Variants in CNBD1 observed in about 807,000 individuals in gnomAD.
CNBD1 encodes the protein cyclic nucleotide-binding domain-containing protein 1.
CNBD1 carries 71 observed loss-of-function variants against 54.4 expected under a neutral mutation model. The ratio of observed to expected loss-of-function variants is 1.30; its 90% CI spans 1.08 to 1.59. CNBD1 has a LOEUF of 1.59. Ranked by LOEUF, CNBD1 falls within the 40% of genes most tolerant of loss-of-function variation. The pLI is 0.00. For missense variants in CNBD1, 659 were observed against 518.0 expected, an observed-to-expected ratio of 1.27 and a Z score of -2.64; for synonymous variants, 182 against 170.7, an observed-to-expected ratio of 1.07 and a Z score of -0.51.
chr8:87,332,108 A>G (rs190738583), intron 8 of CNBD1, among the ~76,000 whole-genome samples: 5 of 152,146 alleles, frequency 3.3e-5, no homozygotes, highest in African/African-American at 1.2e-4. Flanking sequence ...AGCACTTTGG[A>G]AGTCTGAGGC....
At chr8:87,027,172 A>G (rs759475365) in intron 4 of CNBD1, among the ~76,000 whole-genome samples, 3 of 122,446 alleles carry the variant, frequency 2.5e-5, no homozygotes, top group Non-Finnish European at 4.9e-5. Flanking sequence ...CAAACTCACC[A>G]GTTTAGAGGC....
chr8:86,975,768 T>C (rs1808327547), intron 4 of CNBD1, among the ~76,000 whole-genome samples: 1 of 152,038 alleles, frequency 6.6e-6, no homozygotes, highest in Non-Finnish European at 1.5e-5. Flanking sequence ...CTGGGTCAAA[T>C]AATAATTCTA....
At chr8:87,004,542 T>TAAA (rs756660574) in intron 4 of CNBD1, among the ~76,000 whole-genome samples, 1 of 142,136 alleles carries the variant, frequency 7.0e-6, no homozygotes, top group Non-Finnish European at 1.5e-5. Flanking sequence ...AGTATTTATC[T>TAAA]AAAAAAAAAA....
At chr8:87,414,185 T>G (rs1385026162) in intron 2 of CNBD1, among the ~76,000 whole-genome samples, 1 of 152,056 alleles carries the variant, frequency 6.6e-6, no homozygotes, top group African/African-American at 2.4e-5. Context: ...TGGAATACTA[T>G]GCAGCCATAA....
At chr8:87,136,618 TA>T (rs1384805512) in intron 4 of CNBD1, among the ~76,000 whole-genome samples, 2 of 34,748 alleles carry the variant, frequency 5.8e-5, no homozygotes, top group African/African-American at 2.6e-4. Flanking sequence ...ATATATAAAT[TA>T]TATATTATAT....
At chr8:87,034,845 A>G (rs940086837) in intron 4 of CNBD1, among the ~76,000 whole-genome samples, 1 of 152,158 alleles carries the variant, frequency 6.6e-6, no homozygotes, top group African/African-American at 2.4e-5. Context: ...CATGTTGTTC[A>G]AGGATCAACT....
At chr8:87,341,988 T>C (rs1166402745) in intron 8 of CNBD1, among the ~76,000 whole-genome samples, 2 of 152,166 alleles carry the variant, frequency 1.3e-5, no homozygotes, top group Non-Finnish European at 2.9e-5. Flanking sequence ...ACAAAACTCA[T>C]CTGGGCTTGG....
At chr8:87,167,888 C>A (rs1043768635) in intron 4 of CNBD1, among the ~76,000 whole-genome samples, 1 of 151,832 alleles carries the variant, frequency 6.6e-6, no homozygotes, top group Non-Finnish European at 1.5e-5. Flanking sequence ...ATAGGGTATA[C>A]TTTACACAAA....
intron 4 of CNBD1, among the ~76,000 whole-genome samples, chr8:86,946,748 T>A (rs1239636091): frequency 6.6e-6 from 1 of 152,156 alleles, no homozygotes; most frequent in Non-Finnish European, 1.5e-5. Flanking sequence ...AGAATATTTC[T>A]TGTAACAACT....
chr8:87,427,432 A>G (rs1287489947), intron 2 of CNBD1, among the ~76,000 whole-genome samples: 1 of 152,136 alleles, frequency 6.6e-6, no homozygotes, highest in African/African-American at 2.4e-5. Flanking sequence ...GTTTACCGAT[A>G]TGTAGTCTGG....
intron 4 of CNBD1, among the ~76,000 whole-genome samples, chr8:87,048,294 T>G (rs1025998640): frequency 6.6e-6 from 1 of 152,144 alleles, no homozygotes; most frequent in Admixed American, 6.5e-5. Context: ...TTCAGAAGTT[T>G]CCTTGTCAAA....
At chr8:87,314,738 G>A (rs1333122663) in intron 8 of CNBD1, among the ~76,000 whole-genome samples, 1 of 151,832 alleles carries the variant, frequency 6.6e-6, no homozygotes, top group Non-Finnish European at 1.5e-5. Context: ...TTTTATAATA[G>A]CTCTTTGTCA....
intron 4 of CNBD1, among the ~76,000 whole-genome samples, chr8:87,009,401 A>G (rs544339071): frequency 6.6e-6 from 1 of 152,170 alleles, no homozygotes; most frequent in East Asian, 1.9e-4. Context: ...TCTGGGTTCA[A>G]GGGATTCTTC....
At chr8:87,194,037 T>C (rs1245332523) in intron 4 of CNBD1, among the ~76,000 whole-genome samples, 2 of 152,134 alleles carry the variant, frequency 1.3e-5, no homozygotes, top group African/African-American at 4.8e-5. Flanking sequence ...CCGCCTCCTG[T>C]CAAGTCGGCA....
intron 9 of CNBD1, among the ~76,000 whole-genome samples, chr8:87,352,653 G>T (rs1206952133): frequency 6.6e-6 from 1 of 152,062 alleles, no homozygotes; most frequent in African/African-American, 2.4e-5. Flanking sequence ...ATACTATGTA[G>T]GGCCAAAATG....
At chr8:86,929,590 C>T (rs981366760) in intron 3 of CNBD1, among the ~76,000 whole-genome samples, 54 of 152,282 alleles carry the variant, frequency 3.5e-4, no homozygotes, top group African/African-American at 1.2e-3. Context: ...TAGTCATGCT[C>T]GATTGGTTCC....
intron 4 of CNBD1, among the ~76,000 whole-genome samples, chr8:87,118,791 C>G (rs969931944): frequency 1.3e-5 from 2 of 152,128 alleles, no homozygotes; most frequent in Non-Finnish European, 2.9e-5. Context: ...TTTAACACAC[C>G]TGGGAAAGGC....
chr8:87,066,403 T>C (rs1319304498), intron 4 of CNBD1, among the ~76,000 whole-genome samples: 1 of 151,958 alleles, frequency 6.6e-6, no homozygotes, highest in Non-Finnish European at 1.5e-5. Context: ...CTCCTCTACA[T>C]GAGTGAGTGC....
chr8:87,240,319 TTA>T (rs1251153094), intron 6 of CNBD1, among the ~76,000 whole-genome samples: 12 of 152,254 alleles, frequency 7.9e-5, no homozygotes, highest in African/African-American at 2.9e-4. Context: ...ACATTTGGAA[TTA>T]TGTGGAAAAA....
Sources: gnomAD v4.1 joint callset for allele counts (sites outside exome capture counted in the v4.1 genomes callset) on GRCh38, gnomAD v4.1.1 for gene constraint, MANE v1.5 for transcripts, NCBI Gene and HGNC (gene_info 2026-07-23, HGNC 2026-07-21) for gene names.